The following BRINP3 variants were observed in gnomAD, a reference collection of about 807,000 sequenced individuals.
BRINP3 encodes BMP/retinoic acid inducible neural specific 3, also known as BMP/retinoic acid-inducible neural-specific protein 3.
Under a neutral mutation model 71.0 loss-of-function variants are expected in BRINP3, and 19 were observed. That is an observed-to-expected ratio of 0.27 (90% CI 0.19 to 0.39). The LOEUF (loss-of-function observed/expected upper bound fraction) is 0.39, where lower values mean the gene tolerates loss of function less well. Ranked by LOEUF, BRINP3 falls within the 10% of genes least tolerant of loss-of-function variation. BRINP3 has a pLI of 1.00. For missense variants in BRINP3, 959 were observed against 940.8 expected (o/e 1.02, Z -0.25); for synonymous variants, 380 against 337.7 (o/e 1.13, Z -1.37).
chr1:190,202,575 C>T lies in BRINP3; in HGVS notation c.961+23507G>A, dbSNP rs542010405. On this transcript the variant is annotated intron_variant, in intron 6 of 7. Coordinates refer to ENST00000367462, the MANE Select transcript of BRINP3 (RefSeq NM_199051.3). The stretch of plus-strand genomic sequence containing the variant: ...GTTGGCTCTATGTCCCCACCCAAAT[C>T]TCATATTGTAGCTCCCATAATTCCT... Among the ~76,000 whole-genome samples, 289 of 152,216 alleles carry T rather than the reference C, an allele frequency of 1.9e-3. 4 individuals are homozygous for T. Among genetic ancestry groups the T allele is most frequent in the African/African-American group, 6.8e-3 (281 of 41,542 alleles).
chr1:190,338,878 A>G (rs371289935), intron 2 of BRINP3, among the ~76,000 whole-genome samples: 13 of 151,950 alleles, frequency 8.6e-5, no homozygotes, highest in African/African-American at 3.1e-4. Context: ...ATAGTTATCA[A>G]TATATTCTTG....
chr1:190,104,906 C>T (rs1652017325), intron 7 of BRINP3, among the ~76,000 whole-genome samples: 2 of 152,082 alleles, frequency 1.3e-5, no homozygotes, highest in African/African-American at 4.8e-5. Context: ...AACTTTAAAA[C>T]CTAAACTATA....
chr1:190,384,778 A>G (rs1180857034), intron 2 of BRINP3, among the ~76,000 whole-genome samples: 3 of 151,896 alleles, frequency 2.0e-5, no homozygotes, highest in Non-Finnish European at 4.4e-5. Context: ...AATTTAAACA[A>G]GGCAATTCCA....
intron 2 of BRINP3, among the ~76,000 whole-genome samples, chr1:190,411,645 T>C (rs1275909101): frequency 6.6e-6 from 1 of 152,156 alleles, no homozygotes; most frequent in Non-Finnish European, 1.5e-5. Context: ...GGAAATATGG[T>C]CTATATAACT....
chr1:190,165,697 A>ACC (rs1651471269), intron 6 of BRINP3, among the ~76,000 whole-genome samples: 1 of 151,398 alleles, frequency 6.6e-6, no homozygotes, highest in African/African-American at 2.4e-5. Flanking sequence ...GCAAAAAAAA[A>ACC]AAAAATTCTA....
At chr1:190,430,210 T>C (rs1200239674) in intron 2 of BRINP3, among the ~76,000 whole-genome samples, 1 of 152,148 alleles carries the variant, frequency 6.6e-6, no homozygotes, top group African/African-American at 2.4e-5. Flanking sequence ...TTCAAACATC[T>C]CAAGTCAGTC....
chr1:190,368,662 C>G (rs1340065984), intron 2 of BRINP3, among the ~76,000 whole-genome samples: 2 of 152,098 alleles, frequency 1.3e-5, no homozygotes, highest in African/African-American at 4.8e-5. Context: ...TCTGAAGGAA[C>G]TCCTGAAACC....
At chr1:190,126,292 T>C (rs1174917731) in intron 7 of BRINP3, among the ~76,000 whole-genome samples, 15 of 151,960 alleles carry the variant, frequency 9.9e-5, no homozygotes, top group Non-Finnish European at 8.8e-5. Context: ...TCTACATAAA[T>C]AATGGTATTA....
intron 3 of BRINP3, among the ~76,000 whole-genome samples, chr1:190,268,625 G>A (rs567825475): frequency 9.2e-5 from 14 of 151,972 alleles, no homozygotes; most frequent in African/African-American, 2.7e-4. Flanking sequence ...TGTTTATTTC[G>A]CAGATAATAT....
chr1:190,223,304 A>G (rs1406363441), intron 6 of BRINP3, among the ~76,000 whole-genome samples: 2 of 151,874 alleles, frequency 1.3e-5, no homozygotes, highest in Admixed American at 6.6e-5. Flanking sequence ...AAATTCAACA[A>G]CACATTAACA....
chr1:190,296,768 T>G (rs2102983614), intron 2 of BRINP3, among the ~76,000 whole-genome samples: 1 of 151,790 alleles, frequency 6.6e-6, no homozygotes, highest in Middle Eastern at 3.4e-3. Flanking sequence ...CAAAGAACTA[T>G]CCACAAAAGG....
At chr1:190,361,498 GT>G (rs1381516131) in intron 2 of BRINP3, among the ~76,000 whole-genome samples, 1 of 152,040 alleles carries the variant, frequency 6.6e-6, no homozygotes, top group Non-Finnish European at 1.5e-5. Context: ...CGCCTCCAGG[GT>G]TCAACTGATT....
At chr1:190,425,713 A>G (rs1673660438) in intron 2 of BRINP3, among the ~76,000 whole-genome samples, 1 of 151,844 alleles carries the variant, frequency 6.6e-6, no homozygotes, top group African/African-American at 2.4e-5. Context: ...ACAATGTTGC[A>G]CAACAGCTAA....
At chr1:190,252,721 T>C (rs376588663) in intron 4 of BRINP3, among the ~76,000 whole-genome samples, 2 of 152,056 alleles carry the variant, frequency 1.3e-5, no homozygotes, top group South Asian at 2.1e-4. Flanking sequence ...ACTACTTCTG[T>C]AATAAAATAA....
chr1:190,258,737 T>C (rs1028394203), intron 4 of BRINP3, among the ~76,000 whole-genome samples: 2 of 152,216 alleles, frequency 1.3e-5, no homozygotes, highest in African/African-American at 4.8e-5. Flanking sequence ...TGATTTCTTT[T>C]ATCACATAGA....
At chr1:190,175,540 C>T (rs749477345) in intron 6 of BRINP3, among the ~76,000 whole-genome samples, 2 of 152,050 alleles carry the variant, frequency 1.3e-5, no homozygotes, top group Non-Finnish European at 2.9e-5. Flanking sequence ...CCCATACAAA[C>T]GTTAGACCTT....
rs577743338 is a variant in BRINP3, at chr1:190,385,458, C to A, written c.236+69197G>T. Among the ~76,000 whole-genome samples the A allele has an allele frequency of 1.1e-3, 160 of 151,926 alleles. No homozygotes were observed. The East Asian group carries it at 0.011, about 10-fold the overall frequency. On this transcript the variant is annotated intron_variant, in intron 2 of 7. Transcript: ENST00000367462. ...CACTTCTCAAAAGAAGACATTTATG[C>A]AGCCAAAAAACACATGAAAAAATGC...
At chr1:190,371,317 A>G (rs547714447) in intron 2 of BRINP3, among the ~76,000 whole-genome samples, 1 of 152,318 alleles carries the variant, frequency 6.6e-6, no homozygotes, top group African/African-American at 2.4e-5. Flanking sequence ...ATTGTTATGT[A>G]CAAGTTTTTA....
intron 2 of BRINP3, among the ~76,000 whole-genome samples, chr1:190,340,684 A>G (rs1667596192): frequency 6.6e-6 from 1 of 151,736 alleles, no homozygotes; most frequent in African/African-American, 2.4e-5. Context: ...CCCCACATGC[A>G]TACTAGAATA....
Sources: gnomAD v4.1 joint callset for allele counts (sites outside exome capture counted in the v4.1 genomes callset) on GRCh38, gnomAD v4.1.1 for gene constraint, MANE v1.5 for transcripts, NCBI Gene and HGNC (gene_info 2026-07-23, HGNC 2026-07-21) for gene names.